Variants in KATNIP observed in about 807,000 individuals in gnomAD.
KATNIP encodes the protein katanin-interacting protein.
A neutral mutation model predicts 174.0 loss-of-function variants in KATNIP; 126 were observed. The ratio of observed to expected loss-of-function variants is 0.72; its 90% CI spans 0.63 to 0.84. The LOEUF is 0.84. Ranked by LOEUF, KATNIP falls within the 40% of genes least tolerant of loss-of-function variation. The pLI is 0.00. For missense variants in KATNIP, 1,958 were observed against 2,109.7 expected, an observed-to-expected ratio of 0.93 and a Z score of 1.41; for synonymous variants, 810 against 835.7, an observed-to-expected ratio of 0.97 and a Z score of 0.53.
At chr16:27,589,020 G>A (rs1220432211) in intron 2 of KATNIP, among the ~76,000 whole-genome samples, 1 of 151,072 alleles carries the variant, frequency 6.6e-6, no homozygotes, top group African/African-American at 2.4e-5. Context: ...CCTAGTAGCT[G>A]GGAGTAGCTG....
chr16:27,713,927 AAG>A (rs1190992652), intron 13 of KATNIP, among the ~76,000 whole-genome samples: 4 of 144,218 alleles, frequency 2.8e-5, no homozygotes, highest in Non-Finnish European at 6.0e-5. Context: ...CTTGGAAATA[AAG>A]CCCTGGTGTT....
intron 7 of KATNIP, among the ~76,000 whole-genome samples, chr16:27,679,930 C>A (rs1325897051): frequency 6.6e-6 from 1 of 152,090 alleles, no homozygotes; most frequent in Non-Finnish European, 1.5e-5. Context: ...AGTCCCTTTC[C>A]TCTCCACTCA....
chr16:27,617,885 C>T (rs978236129), intron 2 of KATNIP, among the ~76,000 whole-genome samples: 1 of 152,048 alleles, frequency 6.6e-6, no homozygotes, highest in African/African-American at 2.4e-5. Context: ...CACAGGCATG[C>T]ACCACCCAGG....
Position 27,698,340 on chromosome 16 carries a change from G to T in KATNIP, c.953G>T (p.Arg318Leu). 5 of 1,609,332 alleles carry T rather than the reference G, an allele frequency of 3.1e-6. No individual in the cohort carries two copies. Among genetic ancestry groups the T allele is most frequent in the Non-Finnish European group, 4.2e-6 (5 of 1,177,144 alleles). Residue 318 changes from arginine (R) to leucine (L), a missense_variant, in exon 9 of 28, where the codon CGG becomes CTG. Physicochemically the swap from Arg to Leu is moderately radical, Grantham distance 102. Around this residue, in one of 3 missense-constraint regions of KATNIP, gnomAD observed 1,557 missense variants for 1,617.8 expected, o/e 0.96. Transcript: ENST00000261588. ...QERMCSRPGSRRERPLSATRK... is the reference protein window; with the variant it reads ...QERMCSRPGSLRERPLSATRK... ...CTTCTGCCCTCAGGACCTGGAAGCC[G>T]GCGAGAGAGACCCCTGTCTGCAACC...
chr16:27,638,237 C>G (rs1356722923), intron 5 of KATNIP, among the ~76,000 whole-genome samples: 1 of 152,184 alleles, frequency 6.6e-6, no homozygotes, highest in Admixed American at 6.5e-5. Context: ...CCCTGCCTGC[C>G]CTGGCCACAT....
At chr16:27,689,841 A>C (rs903518772) in intron 8 of KATNIP, among the ~76,000 whole-genome samples, 6 of 152,146 alleles carry the variant, frequency 3.9e-5, no homozygotes, top group African/African-American at 1.2e-4. Context: ...CATGTCTGGC[A>C]GTTTTGTTTG....
At chr16:27,636,530 T>TA (rs1046308017) in intron 5 of KATNIP, among the ~76,000 whole-genome samples, 14 of 151,994 alleles carry the variant, frequency 9.2e-5, no homozygotes, top group African/African-American at 3.4e-4. Flanking sequence ...TATGTACGTG[T>TA]AACCTCTGTG....
At chr16:27,768,982 T>A (rs1420931151) in intron 20 of KATNIP, among the ~76,000 whole-genome samples, 2 of 152,262 alleles carry the variant, frequency 1.3e-5, no homozygotes, top group African/African-American at 4.8e-5. Flanking sequence ...CAGAGAGTGA[T>A]GGCTGTTGCC....
At chr16:27,580,486 T>C (rs1180063570) in intron 2 of KATNIP, among the ~76,000 whole-genome samples, 1 of 152,234 alleles carries the variant, frequency 6.6e-6, no homozygotes, top group Admixed American at 6.5e-5. Context: ...TGAGAGAGTC[T>C]GGCCTGGCTA....
chr16:27,580,996 G>C (rs1445874902), intron 2 of KATNIP, among the ~76,000 whole-genome samples: 1 of 152,126 alleles, frequency 6.6e-6, no homozygotes, highest in Non-Finnish European at 1.5e-5. Context: ...GGATGCTGAG[G>C]TGGGTGGCTC....
At chr16:27,599,443 A>C (rs1485843346) in intron 2 of KATNIP, among the ~76,000 whole-genome samples, 1 of 152,118 alleles carries the variant, frequency 6.6e-6, no homozygotes, top group Non-Finnish European at 1.5e-5. Flanking sequence ...AGCAGATTGC[A>C]TTCATGCGCC....
At chr16:27,714,399 T>G (rs1277519295) in intron 13 of KATNIP, among the ~76,000 whole-genome samples, 1 of 152,150 alleles carries the variant, frequency 6.6e-6, no homozygotes, top group African/African-American at 2.4e-5. Flanking sequence ...TAGCTTACAG[T>G]TTTTTTGTTT....
chr16:27,752,218 G>A (rs939166433), intron 17 of KATNIP, among the ~76,000 whole-genome samples: 15 of 152,122 alleles, frequency 9.9e-5, no homozygotes, highest in Admixed American at 1.3e-4. Flanking sequence ...GCAGTCTGGG[G>A]GGAGTTTTTG....
chr16:27,592,707 C>A (rs1352720612), intron 2 of KATNIP, among the ~76,000 whole-genome samples: 4 of 152,050 alleles, frequency 2.6e-5, no homozygotes, highest in Non-Finnish European at 5.9e-5. Context: ...GATAGAGGCA[C>A]CATCACGCCC....
chr16:27,699,662 A>G (rs757598803), intron 10 of KATNIP, 63 bp downstream of exon 10: 36 of 1,608,606 alleles, frequency 2.2e-5, no homozygotes, highest in Non-Finnish European at 3.0e-5. Context: ...CGATGGTGCC[A>G]GGCAGAGATG....
At chr16:27,607,345 T>C (rs1439501343) in intron 2 of KATNIP, among the ~76,000 whole-genome samples, 1 of 152,088 alleles carries the variant, frequency 6.6e-6, no homozygotes, top group Non-Finnish European at 1.5e-5. Flanking sequence ...GGCCTCCATT[T>C]CCTCCTCTGT....
chr16:27,766,591 C>T, intron 20 of KATNIP, 117 bp downstream of exon 20: 1 of 1,068,904 alleles, frequency 9.4e-7, no homozygotes. Context: ...CCAAACGGAG[C>T]TGGGGGCGTT....
At position 27,668,913 on chromosome 16, in the gene KATNIP, G is replaced by A. The variant is rs1015153859; in HGVS notation, c.541-8816G>A. Among the ~76,000 whole-genome samples, 9 of 152,118 alleles carry A rather than the reference G, an allele frequency of 5.9e-5. No homozygotes were observed. The South Asian group carries it at 6.2e-4, about 11-fold the overall frequency. On this transcript the variant is annotated intron_variant, in intron 6 of 27. Coordinates refer to ENST00000261588, the MANE Select transcript of KATNIP (RefSeq NM_015202.5). ...CCCAGCTGTTCTGGAGGCTAAGGTG[G>A]GAGGATCACTTGAACCCAGGAGGTG...
At chr16:27,738,964 G>C (rs746582470) in intron 14 of KATNIP, among the ~76,000 whole-genome samples, 1 of 151,948 alleles carries the variant, frequency 6.6e-6, no homozygotes, top group Non-Finnish European at 1.5e-5. Context: ...AGACATTTGC[G>C]ACATGCATTT....
Sources: allele counts gnomAD v4.1 joint callset (sites outside exome capture counted in the v4.1 genomes callset), GRCh38; gene constraint gnomAD v4.1.1; regional missense constraint gnomAD v4.1.1; transcripts MANE v1.5; gene names NCBI Gene and HGNC (gene_info 2026-07-23, HGNC 2026-07-21).